Variants in PCDHA1 observed in about 807,000 individuals in gnomAD.
PCDHA1 encodes protocadherin alpha-1.
A neutral mutation model predicts 61.3 loss-of-function variants in PCDHA1; 42 were observed. That is an observed-to-expected ratio of 0.69 (90% CI 0.54 to 0.89). The LOEUF (loss-of-function observed/expected upper bound fraction) is 0.89. Among genes scored for constraint, PCDHA1 ranks in the 40% least tolerant of loss-of-function variants. The probability of loss-of-function intolerance (pLI) is 0.00; values close to 1 mark genes in which losing one functional copy is unlikely to be tolerated. For synonymous variants in PCDHA1, 610 were observed against 553.8 expected (o/e 1.10, Z -1.43); for missense variants, 1,256 against 1,235.3 (o/e 1.02, Z -0.25).
chr5:140,952,417 C>T (rs2153696080), intron 1 of PCDHA1, among the ~76,000 whole-genome samples: 1 of 152,190 alleles, frequency 6.6e-6, no homozygotes, highest in Non-Finnish European at 1.5e-5. Flanking sequence ...TAATGTTCCG[C>T]AGATTCCTAC....
Position 140,978,953 on chromosome 5 carries a change from G to A in PCDHA1, c.2399G>A (p.Arg800Gln), listed in dbSNP as rs781913955. The A allele has an allele frequency of 1.4e-5, 23 of 1,613,930 alleles. No homozygotes were observed. In the South Asian group the frequency reaches 2.0e-4, roughly 14 times the overall value. Residue 800 changes from arginine to glutamine, a missense_variant, in exon 2 of 4, where the codon CGA becomes CAA. Arg to Gln is a conservative substitution (Grantham distance 43, BLOSUM62 1). Transcript: ENST00000504120. ...EANLDLSGNP[R>Q]QPNPDWRYSA... ...ACTCTCTTTGTGATTTTGCAGCCAC[G>A]ACAGCCCAACCCTGACTGGCGTTAC...
chr5:140,802,847 G>A, intron 1 of PCDHA1: 1 of 1,613,552 alleles, frequency 6.2e-7, no homozygotes, highest in Non-Finnish European at 8.5e-7. Flanking sequence ...GCAACGTGAC[G>A]CTGCAGGTGT....
In PCDHA1 at chr5:141,011,722, G is replaced by T. The variant is rs1229946779; in HGVS notation, c.*1785G>T. On this transcript the variant is annotated 3_prime_UTR_variant, in exon 4 of 4. Transcript: ENST00000504120. Reference sequence around the variant, plus strand: ...TGAATACTGACAATATTCCATGAGGGTGTGCAAGCACAAATTTTACCAATC... The same window carrying T: ...TGAATACTGACAATATTCCATGAGGTTGTGCAAGCACAAATTTTACCAATC... The T allele has an allele frequency of 6.5e-6, 1 of 153,690 alleles. No homozygotes were observed. The highest frequency in any genetic ancestry group is 1.5e-5 in the Non-Finnish European group (1 of 68,018). 9.5% of individuals were successfully genotyped at this position (153,690 alleles called of 1,614,324 possible).
chr5:140,924,714 G>C (rs2081964744), intron 1 of PCDHA1, among the ~76,000 whole-genome samples: 1 of 151,860 alleles, frequency 6.6e-6, no homozygotes, highest in African/African-American at 2.4e-5. Context: ...GTGCAACATG[G>C]CGAAACCTCA....
chr5:140,824,282 T>C, intron 1 of PCDHA1: 1 of 1,076,050 alleles, frequency 9.3e-7, no homozygotes, highest in Non-Finnish European at 1.4e-6. Context: ...ATATGCTTTT[T>C]ATGAGGCTTT....
At chr5:140,901,199 A>T (rs1554189641) in intron 1 of PCDHA1, among the ~76,000 whole-genome samples, 4 of 152,106 alleles carry the variant, frequency 2.6e-5, no homozygotes, top group Non-Finnish European at 5.9e-5. Context: ...TTCTGTGCAG[A>T]AGGTTTTTAA....
In PCDHA1 at chr5:140,803,398, C is replaced by A. The variant is rs781917643; in HGVS notation, c.2394+14714C>A. ...CCGCCAACCGAAGGCGACTGTGGGC[C>A]GGGCAAGCCCACGCTGGTGTGCTCC... On this transcript the variant is annotated intron_variant, in intron 1 of 3. Transcript: ENST00000504120. The A allele has an allele frequency of 3.1e-6, 5 of 1,614,198 alleles. No homozygotes were observed. The highest frequency in any genetic ancestry group is 1.3e-5 in the African/African-American group (1 of 75,052).
Position 140,786,671 on chromosome 5 carries a change from C to T in PCDHA1, c.381C>T (p.Asn127=), listed in dbSNP as rs782041938. The part of the protein sequence containing the change: ...FHVEVKVKDI[N]DNPPVFRGRE... ...TGGAGGTGAAGGTGAAAGACATTAA[C>T]GATAATCCACCCGTCTTCAGGGGCA... Residue 127 remains asparagine, a synonymous_variant, in exon 1 of 4, where the codon AAC becomes AAT. Transcript: ENST00000504120. 6.8e-6 allele frequency: 11 copies of T among 1,614,114 alleles called. No individual in the cohort carries two copies. The highest frequency in any genetic ancestry group is 4.4e-5 in the South Asian group (4 of 91,092).
At chr5:140,794,042 G>T (rs1168721704) in intron 1 of PCDHA1, among the ~76,000 whole-genome samples, 1 of 152,160 alleles carries the variant, frequency 6.6e-6, no homozygotes, top group Non-Finnish European at 1.5e-5. Context: ...TGAAAGCAGG[G>T]TCTCAAAGAA....
chr5:140,974,979 C>T (rs782292099), intron 1 of PCDHA1, among the ~76,000 whole-genome samples: 6 of 152,136 alleles, frequency 3.9e-5, no homozygotes, highest in African/African-American at 7.2e-5. Context: ...CTGAGTTGTC[C>T]GCTCAGGTAT....
At chr5:140,877,456 A>G (rs782196648) in intron 1 of PCDHA1, 18 of 1,613,802 alleles carry the variant, frequency 1.1e-5, no homozygotes, top group Non-Finnish European at 1.5e-5. Flanking sequence ...GCTGACGTCC[A>G]CGGCCACGGT....
intron 1 of PCDHA1, chr5:140,810,045 GT>G: frequency 6.5e-6 from 1 of 154,226 alleles, no homozygotes; most frequent in Non-Finnish European, 1.4e-5. Flanking sequence ...TTTTATAACT[GT>G]TTGTTCGGGG....
intron 3 of PCDHA1, among the ~76,000 whole-genome samples, chr5:140,994,851 A>C (rs1178274121): frequency 1.3e-5 from 2 of 149,076 alleles, no homozygotes; most frequent in African/African-American, 5.2e-5. Flanking sequence ...AGATGAGTGC[A>C]TTTGATGGAT....
At chr5:140,964,548 G>C (rs1468417797) in intron 1 of PCDHA1, among the ~76,000 whole-genome samples, 1 of 152,102 alleles carries the variant, frequency 6.6e-6, no homozygotes, top group East Asian at 1.9e-4. Context: ...AGATGGCAGC[G>C]ACTTGGAGGG....
At chr5:140,905,130 G>A (rs2071615464) in intron 1 of PCDHA1, among the ~76,000 whole-genome samples, 1 of 152,178 alleles carries the variant, frequency 6.6e-6, no homozygotes, top group African/African-American at 2.4e-5. Flanking sequence ...GTCTAGAAGA[G>A]TTTTTCTGCT....
At chr5:140,950,050 T>C (rs1554219269) in intron 1 of PCDHA1, among the ~76,000 whole-genome samples, 3 of 151,956 alleles carry the variant, frequency 2.0e-5, no homozygotes, top group Admixed American at 6.6e-5. Context: ...CATATAAGAC[T>C]ATTTAGCTCT....
At chr5:141,003,913 T>C (rs1554259375) in intron 3 of PCDHA1, among the ~76,000 whole-genome samples, 1 of 152,206 alleles carries the variant, frequency 6.6e-6, no homozygotes, top group African/African-American at 2.4e-5. Flanking sequence ...GGGTCTTGAC[T>C]GCATCCTCAG....
chr5:140,939,037 T>C (rs1295630675), intron 1 of PCDHA1, among the ~76,000 whole-genome samples: 2 of 152,212 alleles, frequency 1.3e-5, no homozygotes, highest in African/African-American at 4.8e-5. Context: ...TCGGAAGAGT[T>C]GTCTTAGTCC....
intron 1 of PCDHA1, chr5:140,807,122 G>T (rs1167466402): frequency 1.3e-6 from 2 of 1,540,096 alleles, no homozygotes; most frequent in Non-Finnish European, 8.8e-7. Context: ...TTGACTGACC[G>T]ATTAAAAGAT....
Sources: allele counts gnomAD v4.1 joint callset (sites outside exome capture counted in the v4.1 genomes callset), GRCh38; gene constraint gnomAD v4.1.1; transcripts MANE v1.5; gene names NCBI Gene and HGNC (gene_info 2026-07-23, HGNC 2026-07-21).